The following ADGRD2 variants were observed in gnomAD, a reference collection of about 807,000 sequenced individuals.
ADGRD2 encodes the protein G protein-coupled receptor PGR24.
ADGRD2 carries 71 observed loss-of-function variants against 44.4 expected under a neutral mutation model. The ratio of observed to expected loss-of-function variants is 1.60; its 90% CI spans 1.32 to 1.95. The LOEUF (loss-of-function observed/expected upper bound fraction) is 1.95. ADGRD2 is among the 30% of genes most tolerant of loss of function. ADGRD2 has a pLI of 0.00. For synonymous variants in ADGRD2, 481 were observed against 224.8 expected (o/e 2.14, Z -10.19); for missense variants, 1,039 against 512.4 (o/e 2.03, Z -9.92).
exon 3 of ADGRD2, chr9:124,453,607 T>C (rs1403627596): frequency 2.9e-6 from 2 of 700,916 alleles, no homozygotes; most frequent in East Asian, 2.7e-5. Context: ...GCTCTTCCGC[T>C]GGGACCCGGG....
intron 10 of ADGRD2, among the ~76,000 whole-genome samples, chr9:124,459,927 T>C (rs1423250929): frequency 6.6e-6 from 1 of 152,196 alleles, no homozygotes; most frequent in Non-Finnish European, 1.5e-5. Context: ...CTGAAAGTTA[T>C]ATAGGGATTG....
intron 6 of ADGRD2, among the ~76,000 whole-genome samples, chr9:124,456,276 C>T (rs1831614845): frequency 6.6e-6 from 1 of 152,260 alleles, no homozygotes; most frequent in South Asian, 2.1e-4. Context: ...CCATCCATGG[C>T]TTTCCTTTTG....
At chr9:124,453,232 G>C in exon 3 of ADGRD2, 1 of 584,094 alleles carries the variant, frequency 1.7e-6, no homozygotes, top group Non-Finnish European at 3.0e-6. Flanking sequence ...GCGCGCCTTC[G>C]CCGAGCCGGG....
Position 124,454,258 on chromosome 9 carries a change from C to T in ADGRD2, c.1022+161C>T, listed in dbSNP as rs924923953. Among the ~76,000 whole-genome samples, 6 of 152,224 alleles carry T rather than the reference C, an allele frequency of 3.9e-5. No homozygotes were observed. The highest frequency in any genetic ancestry group is 7.3e-5 in the Non-Finnish European group (5 of 68,034). On this transcript the variant is annotated intron_variant, in intron 4 of 21. Transcript: ENST00000334810. The surrounding 1 kb of genome is among the most constrained non-coding windows in gnomAD (Gnocchi z 4.5). ...TAGGCCACAGAGCAGTGGGTCCAGA[C>T]GGACCTAAGGGTGAATCGAAATTGT...
In ADGRD2 at chr9:124,469,142, C is replaced by T. The variant is rs139411207; in HGVS notation, c.2388-80C>T. On this transcript the variant is annotated intron_variant, in intron 14 of 21. Coordinates refer to ENST00000334810, the Ensembl canonical transcript of ADGRD2. ...TACAACCTCCAGTAGGGGACAGCTG[C>T]GGCTTGGGGGGCGGATCCTGGGTCC... is the stretch of plus-strand genomic sequence containing the variant. 170 of 652,924 alleles carry T rather than the reference C, an allele frequency of 2.6e-4. No homozygotes were observed. The East Asian group carries it at 3.5e-3, about 13-fold the overall frequency. The allele number at this position is 652,924 out of a possible 1,614,324, so 40.4% of individuals were successfully genotyped here.
At chr9:124,452,456 A>AAG (rs1831498468) in intron 1 of ADGRD2, 54 bp from the exon 5 acceptor site, 2 of 717,418 alleles carry the variant, frequency 2.8e-6, no homozygotes, top group Non-Finnish European at 5.2e-6. Context: ...CCAGCCCTGG[A>AAG]AGAGTCAGAT....
At chr9:124,458,831 C>T in intron 10 of ADGRD2, 110 bp downstream of exon 13, 1 of 623,280 alleles carries the variant, frequency 1.6e-6, no homozygotes, top group Non-Finnish European at 3.0e-6. Context: ...ATAATGCACA[C>T]AAAAGGTACC....
intron 14 of ADGRD2, 72 bp downstream of exon 17, chr9:124,468,744 A>G: frequency 1.5e-6 from 1 of 656,548 alleles, no homozygotes; most frequent in Non-Finnish European, 2.8e-6. Context: ...GCCATCTAAC[A>G]TGGCCCCACA....
exon 3 of ADGRD2, chr9:124,453,450 G>A: frequency 1.5e-6 from 1 of 681,208 alleles, no homozygotes; most frequent in Non-Finnish European, 2.7e-6. Context: ...TCCTGGTGCT[G>A]GGCCAGGATC....
At chr9:124,453,764 G>C (rs1831556376) in intron 3 of ADGRD2, 88 bp downstream of exon 6, 1 of 583,468 alleles carries the variant, frequency 1.7e-6, no homozygotes, top group African/African-American at 2.2e-5. Context: ...TGCCAACCAA[G>C]CCACGCCTAG....
intron 10 of ADGRD2, among the ~76,000 whole-genome samples, chr9:124,463,130 G>T (rs1437248573): frequency 6.6e-6 from 1 of 152,108 alleles, no homozygotes; most frequent in African/African-American, 2.4e-5. Flanking sequence ...CGATGTTTGG[G>T]CTTTTTGTAG....
intron 1 of ADGRD2, 26 bp downstream of exon 4, chr9:124,452,180 AG>A: frequency 2.8e-6 from 2 of 703,788 alleles, no homozygotes; most frequent in Non-Finnish European, 5.3e-6. Context: ...CCCCCCAGGG[AG>A]GGTCCCAGTC....
upstream of ADGRD2, chr9:124,451,240 C>T (rs1159843044): frequency 2.1e-6 from 1 of 470,942 alleles, no homozygotes; most frequent in East Asian, 6.9e-5. Flanking sequence ...TGAAGCAGAA[C>T]CTTGGCGGAG....
exon 19 of ADGRD2, chr9:124,475,591 G>A (rs775806957): frequency 2.9e-5 from 18 of 628,614 alleles, no homozygotes; most frequent in African/African-American, 1.3e-4. Flanking sequence ...CCCTGCAGAG[G>A]ATGGCTGAGA....
chr9:124,475,308 T>G (rs1832023610), intron 17 of ADGRD2, 138 bp from the exon 21 acceptor site: 1 of 589,340 alleles, frequency 1.7e-6, no homozygotes, highest in African/African-American at 1.9e-5. Flanking sequence ...AGGGCCGACT[T>G]CGTGCCCATC....
At chr9:124,463,141 A>C (rs1381700589) in intron 10 of ADGRD2, among the ~76,000 whole-genome samples, 2 of 152,184 alleles carry the variant, frequency 1.3e-5, no homozygotes, top group African/African-American at 4.8e-5. Context: ...CTTTTTGTAG[A>C]TGTCCATCAA....
At chr9:124,464,959 A>T (rs1242105623) in intron 10 of ADGRD2, among the ~76,000 whole-genome samples, 1 of 152,172 alleles carries the variant, frequency 6.6e-6, no homozygotes, top group South Asian at 2.1e-4. Flanking sequence ...CTGTGTGTTC[A>T]TCTTACCAGA....
intron 10 of ADGRD2, among the ~76,000 whole-genome samples, chr9:124,462,496 T>C (rs947124350): frequency 6.6e-6 from 1 of 152,236 alleles, no homozygotes; most frequent in Non-Finnish European, 1.5e-5. Flanking sequence ...TGACTGTGTA[T>C]ATCAATTTGG....
At chr9:124,453,516 C>G (rs746508379) in exon 3 of ADGRD2, 4 of 701,544 alleles carry the variant, frequency 5.7e-6, no homozygotes, top group African/African-American at 5.4e-5. Flanking sequence ...GCAACCTCAC[C>G]GACTTCCACC....
Sources: allele counts gnomAD v4.1 joint callset (sites outside exome capture counted in the v4.1 genomes callset), GRCh38; gene constraint gnomAD v4.1.1; non-coding constraint Gnocchi (gnomAD v3.1); transcripts MANE v1.5; gene names NCBI Gene and HGNC (gene_info 2026-07-23, HGNC 2026-07-21).